Variants in DLGAP1 observed in about 807,000 individuals in gnomAD.
DLGAP1 encodes the protein DLG associated protein 1, also known as disks large-associated protein 1.
DLGAP1 carries 11 observed loss-of-function variants against 90.8 expected under a neutral mutation model. The ratio of observed to expected loss-of-function variants is 0.12; its 90% confidence interval spans 0.08 to 0.20. The LOEUF is 0.20. Ranked by LOEUF, DLGAP1 falls within the 10% of genes least tolerant of loss-of-function variation. The pLI is 1.00. For synonymous variants in DLGAP1, 558 were observed against 540.7 expected, an observed-to-expected ratio of 1.03 and a Z score of -0.44; for missense variants, 1,050 against 1,333.8, an observed-to-expected ratio of 0.79 and a Z score of 3.31.
At chr18:3,967,324 G>T (rs1488224560) in intron 3 of DLGAP1, among the ~76,000 whole-genome samples, 1 of 152,232 alleles carries the variant, frequency 6.6e-6, no homozygotes, top group Non-Finnish European at 1.5e-5. Flanking sequence ...GAACTGATGA[G>T]CTCACAGTGA....
Position 3,574,970 on chromosome 18 carries a change from A to G in DLGAP1, c.1965+6905T>C, listed in dbSNP as rs1433819689. 5.9e-5 allele frequency among the ~76,000 whole-genome samples: 9 copies of G among 151,316 alleles called. No homozygotes were observed. In the South Asian group the frequency reaches 1.1e-3, roughly 18 times the overall value. ...GCTGGGACTACAGGCGCCCGCCACC[A>G]CGCCCAGCTAATTTTTTGTATCTTT... On this transcript the variant is annotated intron_variant, in intron 8 of 12. Coordinates refer to ENST00000315677, the MANE Select transcript of DLGAP1 (RefSeq NM_004746.4).
At chr18:4,135,790 C>CTTTTTTTTTT (rs58513784) in intron 2 of DLGAP1, among the ~76,000 whole-genome samples, 2 of 127,348 alleles carry the variant, frequency 1.6e-5, no homozygotes, top group African/African-American at 6.0e-5. Flanking sequence ...GAATCTGATT[C>CTTTTTTTTTT]TTTTTTTTTT....
At chr18:3,614,624 T>C in intron 7 of DLGAP1, among the ~76,000 whole-genome samples, 1 of 146,904 alleles carries the variant, frequency 6.8e-6, no homozygotes, top group East Asian at 2.1e-4. Context: ...GCGGATCACC[T>C]GAGGTCAGGA....
At chr18:4,144,902 C>T (rs963818234) in intron 2 of DLGAP1, among the ~76,000 whole-genome samples, 2 of 152,214 alleles carry the variant, frequency 1.3e-5, no homozygotes, top group African/African-American at 2.4e-5. Flanking sequence ...TGTCCTTGAA[C>T]ATTCTTACAG....
intron 4 of DLGAP1, among the ~76,000 whole-genome samples, chr18:3,826,359 G>A (rs1175463135): frequency 3.3e-5 from 5 of 152,170 alleles, no homozygotes; most frequent in African/African-American, 9.7e-5. Context: ...GCAATGATAC[G>A]TACTATGGAA....
chr18:4,105,859 T>C lies in DLGAP1; in HGVS notation c.-159+45321A>G, dbSNP rs540229569. On this transcript the variant is annotated intron_variant, in intron 2 of 12. Transcript: ENST00000315677. ...TCCTGGCTAACACGGTGAAACCCCGTCTCTACTAAAAATACAAAAAAAATT... is the reference window on the plus strand; with the variant it reads ...TCCTGGCTAACACGGTGAAACCCCGCCTCTACTAAAAATACAAAAAAAATT... Among the ~76,000 whole-genome samples, 15 of 151,220 alleles carry C rather than the reference T, an allele frequency of 9.9e-5. No homozygotes were observed. In the East Asian group the frequency reaches 2.7e-3, roughly 28 times the overall value.
chr18:3,534,102 T>A (rs1232872475), intron 10 of DLGAP1, 92 bp downstream of exon 10: 3 of 1,407,764 alleles, frequency 2.1e-6, no homozygotes, highest in Admixed American at 2.2e-5. Context: ...GTTATACAAG[T>A]GAAGCTGGCA....
intron 5 of DLGAP1, among the ~76,000 whole-genome samples, chr18:3,794,785 G>C (rs2065904245): frequency 6.6e-6 from 1 of 152,230 alleles, no homozygotes; most frequent in African/African-American, 2.4e-5. Flanking sequence ...AATCTATTCA[G>C]CAGCGGAGGA....
intron 1 of DLGAP1, among the ~76,000 whole-genome samples, chr18:4,210,075 C>T (rs1320224657): frequency 6.6e-6 from 1 of 152,180 alleles, no homozygotes; most frequent in East Asian, 1.9e-4. Context: ...GAAACTTCCC[C>T]TAACCACACA....
chr18:4,089,850 C>A (rs2075743575), intron 2 of DLGAP1, among the ~76,000 whole-genome samples: 1 of 152,162 alleles, frequency 6.6e-6, no homozygotes, highest in Non-Finnish European at 1.5e-5. Context: ...TCGAGACCAT[C>A]CTGGCTAACA....
chr18:3,521,322 C>T (rs2051172570), intron 10 of DLGAP1, among the ~76,000 whole-genome samples: 1 of 152,152 alleles, frequency 6.6e-6, no homozygotes, highest in East Asian at 1.9e-4. Flanking sequence ...TCATGTAATT[C>T]TCATGCTGAC....
At chr18:4,250,176 T>G (rs544457227) in intron 1 of DLGAP1, among the ~76,000 whole-genome samples, 1 of 152,336 alleles carries the variant, frequency 6.6e-6, no homozygotes, top group South Asian at 2.1e-4. Flanking sequence ...TCCAAGATAC[T>G]TTCTCTTCCT....
intron 1 of DLGAP1, among the ~76,000 whole-genome samples, chr18:4,208,140 AG>A (rs1178142820): frequency 6.6e-6 from 1 of 152,254 alleles, no homozygotes; most frequent in African/African-American, 2.4e-5. Flanking sequence ...TACAACAATC[AG>A]AGAGGAAATA....
rs1226573126 is a variant in DLGAP1, at chr18:4,454,857, G to A, written c.-267+149C>T. The stretch of plus-strand genomic sequence containing the variant: ...GAAAGGGTAAGGAGCGCGGACTCTC[G>A]AGCCAGCGGCCGGGGGAGCCCAGCC... On this transcript the variant is annotated intron_variant, in intron 1 of 12. Coordinates refer to ENST00000315677, the MANE Select transcript of DLGAP1 (RefSeq NM_004746.4). This position sits in a 1 kb window ranked among gnomAD's most constrained non-coding sequence, Gnocchi z 4.7. 2.0e-5 allele frequency: 3 copies of A among 151,546 alleles called. No individual in the cohort carries two copies. The highest frequency in any genetic ancestry group is 4.4e-5 in the Non-Finnish European group (3 of 67,804). 9.4% of individuals were successfully genotyped at this position (151,546 alleles called of 1,614,324 possible).
chr18:3,591,674 G>A (rs2056255198), intron 7 of DLGAP1, among the ~76,000 whole-genome samples: 1 of 151,880 alleles, frequency 6.6e-6, no homozygotes, highest in South Asian at 2.1e-4. Context: ...CTCCAGCCTG[G>A]CGACAGAGCA....
At chr18:4,410,010 C>A (rs1467892436) in intron 1 of DLGAP1, among the ~76,000 whole-genome samples, 1 of 152,062 alleles carries the variant, frequency 6.6e-6, no homozygotes. Context: ...TTTGCAATAA[C>A]CTGGAAGAGA....
chr18:4,204,443 C>T (rs1459803456), intron 1 of DLGAP1, among the ~76,000 whole-genome samples: 1 of 151,782 alleles, frequency 6.6e-6, no homozygotes, highest in East Asian at 1.9e-4. Flanking sequence ...TGATCTTTTA[C>T]AATGATTATA....
intron 1 of DLGAP1, among the ~76,000 whole-genome samples, chr18:4,368,259 T>C (rs1488409403): frequency 6.6e-6 from 1 of 152,232 alleles, no homozygotes; most frequent in African/African-American, 2.4e-5. Context: ...ATTGAATTTT[T>C]ATGATTTAGA....
chr18:3,682,109 CCT>C (rs1270142487), intron 7 of DLGAP1, among the ~76,000 whole-genome samples: 1 of 137,012 alleles, frequency 7.3e-6, no homozygotes, highest in Non-Finnish European at 1.5e-5. Context: ...CAGGCGAGAC[CCT>C]GTCTCAAAAA....
Sources: gnomAD v4.1 joint callset for allele counts (sites outside exome capture counted in the v4.1 genomes callset) on GRCh38, gnomAD v4.1.1 for gene constraint, Gnocchi (gnomAD v3.1) non-coding constraint, MANE v1.5 for transcripts, NCBI Gene and HGNC (gene_info 2026-07-23, HGNC 2026-07-21) for gene names.